MACROD2: variants seen among roughly 807,000 people sequenced by gnomAD.
MACROD2 encodes the protein ADP-ribose glycohydrolase MACROD2.
A neutral mutation model predicts 70.4 loss-of-function variants in MACROD2; 36 were observed. The observed-to-expected ratio is 0.51, with a 90% confidence interval of 0.39 to 0.68. The LOEUF is 0.68. MACROD2 is among the 30% of genes least tolerant of loss of function. MACROD2 has a pLI of 0.00. For missense variants in MACROD2, 496 were observed against 538.4 expected (o/e 0.92, Z 0.78); for synonymous variants, 172 against 178.8 (o/e 0.96, Z 0.30).
At chr20:15,514,759 T>C (rs1177834263) in intron 8 of MACROD2, among the ~76,000 whole-genome samples, 1 of 152,236 alleles carries the variant, frequency 6.6e-6, no homozygotes, top group Admixed American at 6.5e-5. Context: ...GTTATAGTCA[T>C]AATTATTCCC....
intron 4 of MACROD2, among the ~76,000 whole-genome samples, chr20:14,667,169 A>G (rs2070744814): frequency 1.3e-5 from 2 of 152,110 alleles, no homozygotes; most frequent in Non-Finnish European, 2.9e-5. Flanking sequence ...GCTCTATAAT[A>G]ACAGCTTGTC....
chr20:15,267,043 T>C (rs1020877819), intron 6 of MACROD2, among the ~76,000 whole-genome samples: 5 of 152,192 alleles, frequency 3.3e-5, no homozygotes, highest in East Asian at 1.9e-4. Flanking sequence ...GCTAAAGCCA[T>C]GTGCAAGAGG....
intron 3 of MACROD2, among the ~76,000 whole-genome samples, chr20:14,208,231 TTGGG>T (rs1470546826): frequency 4.6e-5 from 7 of 152,206 alleles, no homozygotes; most frequent in African/African-American, 1.7e-4. Flanking sequence ...TTACAGGGTC[TTGGG>T]TATATTGAAT....
chr20:15,572,710 C>T (rs1046844064), intron 8 of MACROD2, among the ~76,000 whole-genome samples: 14 of 152,072 alleles, frequency 9.2e-5, no homozygotes, highest in Non-Finnish European at 1.8e-4. Context: ...AGAACCCACA[C>T]TTATTTTATA....
chr20:15,329,311 G>A (rs557169897), intron 6 of MACROD2, among the ~76,000 whole-genome samples: 1 of 152,230 alleles, frequency 6.6e-6, no homozygotes, highest in African/African-American at 2.4e-5. Context: ...TGAGAGTGGT[G>A]TATCTGTAGG....
chr20:14,463,015 C>T (rs1031075149), intron 3 of MACROD2, among the ~76,000 whole-genome samples: 68 of 152,100 alleles, frequency 4.5e-4, no homozygotes, highest in Non-Finnish European at 7.2e-4. Context: ...CTTGGCAATG[C>T]GGGCTGTATT....
At chr20:14,960,850 TTGTC>T (rs1215510222) in intron 5 of MACROD2, among the ~76,000 whole-genome samples, 5 of 152,186 alleles carry the variant, frequency 3.3e-5, no homozygotes, top group African/African-American at 9.7e-5. Flanking sequence ...TTAATTCAGA[TTGTC>T]TGAAGACTAG....
At chr20:14,658,349 T>C (rs118157121) in intron 4 of MACROD2, among the ~76,000 whole-genome samples, 136 of 151,464 alleles carry the variant, frequency 9.0e-4, no homozygotes, top group South Asian at 2.6e-3. Flanking sequence ...CTCAGAAACT[T>C]AAATTATCTT....
intron 4 of MACROD2, among the ~76,000 whole-genome samples, chr20:14,598,123 T>G (rs2123396925): frequency 6.6e-6 from 1 of 152,272 alleles, no homozygotes; most frequent in African/African-American, 2.4e-5. Flanking sequence ...CATATGGACA[T>G]TCCCAGAAGC....
At chr20:14,784,317 C>T (rs879472783) in intron 5 of MACROD2, among the ~76,000 whole-genome samples, 5 of 152,066 alleles carry the variant, frequency 3.3e-5, no homozygotes, top group African/African-American at 4.8e-5. Context: ...TTGTTCAGGA[C>T]GGAGCTTGGG....
chr20:15,065,944 TCATC>T (rs2075571020), intron 5 of MACROD2, among the ~76,000 whole-genome samples: 1 of 152,202 alleles, frequency 6.6e-6, no homozygotes, highest in Admixed American at 6.5e-5. Flanking sequence ...CACACATCTG[TCATC>T]CAGCTGATGT....
At chr20:14,676,173 G>C (rs1214355003) in intron 4 of MACROD2, among the ~76,000 whole-genome samples, 1 of 152,092 alleles carries the variant, frequency 6.6e-6, no homozygotes, top group African/African-American at 2.4e-5. Context: ...TTCAGGACTT[G>C]AACTCAGCTG....
chr20:14,533,019 C>G (rs1600350756), intron 4 of MACROD2, among the ~76,000 whole-genome samples: 1 of 152,138 alleles, frequency 6.6e-6, no homozygotes, highest in Non-Finnish European at 1.5e-5. Flanking sequence ...CCAGACCAAA[C>G]CAGAATGGAG....
intron 5 of MACROD2, among the ~76,000 whole-genome samples, chr20:15,121,150 T>G (rs1222737501): frequency 6.6e-6 from 1 of 152,232 alleles, no homozygotes; most frequent in African/African-American, 2.4e-5. Context: ...TATCTACTTC[T>G]ATCTTTTGGA....
At chr20:15,506,534 TG>T (rs1221579606) in intron 8 of MACROD2, among the ~76,000 whole-genome samples, 1 of 152,158 alleles carries the variant, frequency 6.6e-6, no homozygotes, top group Non-Finnish European at 1.5e-5. Flanking sequence ...GCATATGCAG[TG>T]TTAAAAATTG....
intron 2 of MACROD2, among the ~76,000 whole-genome samples, chr20:14,074,699 A>G (rs2053894913): frequency 6.6e-6 from 1 of 152,096 alleles, no homozygotes; most frequent in Non-Finnish European, 1.5e-5. Flanking sequence ...TGCTTCTCCC[A>G]TGGGAACTTA....
chr20:14,140,795 C>T (rs1229753701), intron 3 of MACROD2, among the ~76,000 whole-genome samples: 4 of 152,054 alleles, frequency 2.6e-5, no homozygotes, highest in African/African-American at 7.2e-5. Flanking sequence ...TCTTTATTTT[C>T]GAAATGATTA....
chr20:15,717,464 A>G (rs1205619180), intron 8 of MACROD2, among the ~76,000 whole-genome samples: 1 of 152,236 alleles, frequency 6.6e-6, no homozygotes, highest in African/African-American at 2.4e-5. Flanking sequence ...TGGAGATAAC[A>G]TGATTGGGAA....
At chr20:14,495,317 C>T (rs775286251) in intron 4 of MACROD2, among the ~76,000 whole-genome samples, 12 of 152,096 alleles carry the variant, frequency 7.9e-5, no homozygotes, top group South Asian at 2.1e-4. Context: ...TACAGGATGG[C>T]TGCTGGAGCT....
Sources: gnomAD v4.1 joint callset for allele counts (sites outside exome capture counted in the v4.1 genomes callset) on GRCh38, gnomAD v4.1.1 for gene constraint, MANE v1.5 for transcripts, NCBI Gene and HGNC (gene_info 2026-07-23, HGNC 2026-07-21) for gene names.